The following CDH13 variants were observed in gnomAD, a reference collection of about 807,000 sequenced individuals.
The protein encoded by CDH13 is cadherin-13.
In CDH13, 24 loss-of-function variants were observed where a neutral mutation model predicts 63.8. The observed-to-expected ratio is 0.38, with a 90% CI of 0.27 to 0.53. The LOEUF is 0.53. Ranked by LOEUF, CDH13 falls within the 20% of genes least tolerant of loss-of-function variation. The probability of loss-of-function intolerance (pLI) is 0.85; values close to 1 mark genes in which losing one functional copy is unlikely to be tolerated. For missense variants in CDH13, 1,049 were observed against 903.1 expected (o/e 1.16, Z -2.07); for synonymous variants, 503 against 355.3 (o/e 1.42, Z -4.67).
chr16:83,552,234 T>C (rs2075517334), intron 7 of CDH13, among the ~76,000 whole-genome samples: 1 of 152,176 alleles, frequency 6.6e-6, no homozygotes, highest in Non-Finnish European at 1.5e-5. Flanking sequence ...CGTATTCTCT[T>C]GGTCCTGGGG....
intron 2 of CDH13, among the ~76,000 whole-genome samples, chr16:82,920,038 C>A: frequency 6.6e-6 from 1 of 152,158 alleles, no homozygotes; most frequent in East Asian, 1.9e-4. Flanking sequence ...TTAGTCAGGG[C>A]CTTTGCTACT....
At position 82,760,302 on chromosome 16, in the gene CDH13, A is replaced by G. The variant is rs773656350; in HGVS notation, c.46-98060A>G. Among the ~76,000 whole-genome samples, 96 of 152,268 alleles carry G rather than the reference A, an allele frequency of 6.3e-4. 1 individual carries two copies. Among genetic ancestry groups the G allele is most frequent in the Non-Finnish European group, 1.1e-3 (72 of 68,030 alleles). On this transcript the variant is annotated intron_variant, in intron 1 of 13. Transcript: ENST00000567109. The stretch of plus-strand genomic sequence containing the variant: ...AGCCTGTTATCAAAATAACAGGGAG[A>G]GATGAATTCTTATCTTTTTGCTGGA...
chr16:83,355,021 G>C (rs1006930116), intron 6 of CDH13, among the ~76,000 whole-genome samples: 1 of 152,142 alleles, frequency 6.6e-6, no homozygotes, highest in Non-Finnish European at 1.5e-5. Context: ...CAGACCCCTG[G>C]CTTAGAACTC....
intron 5 of CDH13, among the ~76,000 whole-genome samples, chr16:83,308,445 TCTC>T (rs1441365516): frequency 6.6e-6 from 1 of 152,218 alleles, no homozygotes; most frequent in East Asian, 1.9e-4. Flanking sequence ...TCTCAGAAGA[TCTC>T]CTACATGAAT....
chr16:82,713,853 A>T (rs990386334), intron 1 of CDH13, among the ~76,000 whole-genome samples: 11 of 151,634 alleles, frequency 7.3e-5, no homozygotes, highest in African/African-American at 2.7e-4. Flanking sequence ...TTTCCCTTTA[A>T]CAGGGCTATT....
In CDH13 at chr16:83,052,795, A is replaced by G. The variant is rs1277867038; in HGVS notation, c.366+20577A>G. ...TTATCTCAAAAAAAAAAAAAAAAAAAAAAAAAAAAGAAAGAAATTAAACCT... is the reference window on the plus strand; with the variant it reads ...TTATCTCAAAAAAAAAAAAAAAAAAGAAAAAAAAAGAAAGAAATTAAACCT... On this transcript the variant is annotated intron_variant, in intron 3 of 13. Transcript: ENST00000567109. 2.0e-5 allele frequency among the ~76,000 whole-genome samples: 3 copies of G among 150,842 alleles called. 1 individual carries two copies. The highest frequency in any genetic ancestry group is 1.9e-4 in the East Asian group (1 of 5,166).
chr16:82,971,648 T>C (rs1289637317), intron 2 of CDH13, among the ~76,000 whole-genome samples: 1 of 152,214 alleles, frequency 6.6e-6, no homozygotes, highest in Non-Finnish European at 1.5e-5. Context: ...AGTTCTGATA[T>C]AAACTCTTCC....
chr16:83,587,144 A>C (rs1382166698), intron 7 of CDH13, among the ~76,000 whole-genome samples: 1 of 152,214 alleles, frequency 6.6e-6, no homozygotes, highest in African/African-American at 2.4e-5. Context: ...GAAAATGCTG[A>C]TTAAAAGTAA....
intron 4 of CDH13, among the ~76,000 whole-genome samples, chr16:83,209,910 G>T (rs2039291288): frequency 6.6e-6 from 1 of 152,158 alleles, no homozygotes; most frequent in Non-Finnish European, 1.5e-5. Context: ...GTAGGTGGGG[G>T]ATGGCCATCC....
chr16:82,906,325 A>G (rs7186640), intron 2 of CDH13, among the ~76,000 whole-genome samples: 31,592 of 151,940 alleles, frequency 0.21, 4,646 homozygotes, highest in African/African-American at 0.41. Context: ...CCTTTAACAC[A>G]TGATTGGCCC....
At chr16:83,378,094 G>T (rs941442057) in intron 6 of CDH13, among the ~76,000 whole-genome samples, 2 of 152,184 alleles carry the variant, frequency 1.3e-5, no homozygotes, top group African/African-American at 4.8e-5. Context: ...CCAGGCATTT[G>T]CTTCCTAAGA....
intron 4 of CDH13, among the ~76,000 whole-genome samples, chr16:83,195,370 G>C (rs745657566): frequency 3.9e-5 from 6 of 152,170 alleles, no homozygotes; most frequent in African/African-American, 7.2e-5. Context: ...TTGACTCATG[G>C]TTCCACAGGC....
At chr16:83,315,196 A>G (rs1326640918) in intron 5 of CDH13, among the ~76,000 whole-genome samples, 2 of 152,242 alleles carry the variant, frequency 1.3e-5, no homozygotes, top group African/African-American at 2.4e-5. Flanking sequence ...GGAAGCCCAC[A>G]TAAGTATGGC....
chr16:83,291,437 C>G (rs1007595699), intron 5 of CDH13, among the ~76,000 whole-genome samples: 4 of 152,132 alleles, frequency 2.6e-5, no homozygotes, highest in Non-Finnish European at 5.9e-5. Flanking sequence ...ACGAGACTGT[C>G]CCTTCCTTCC....
intron 1 of CDH13, among the ~76,000 whole-genome samples, chr16:82,675,652 T>C (rs1870846): frequency 0.1 from 15,629 of 152,218 alleles, 1,079 homozygotes; most frequent in African/African-American, 0.18. Context: ...CCACCAAACC[T>C]GCTGGACTCA....
chr16:83,180,976 C>T (rs1438913929), intron 4 of CDH13: 105 of 1,530,764 alleles, frequency 6.9e-5, no homozygotes, highest in East Asian at 1.2e-4. Context: ...TCCTATTTGG[C>T]GACATTATTG....
rs145182190 is a variant in CDH13, at chr16:83,630,521, A to G, written c.1101+27927A>G. On this transcript the variant is annotated intron_variant, in intron 8 of 13. Coordinates refer to ENST00000567109, the MANE Select transcript of CDH13 (RefSeq NM_001257.5). The stretch of plus-strand genomic sequence containing the variant: ...ACAGGTCATAAGTAGGTAACAGACA[A>G]ATGGTTGCATTCTTTTGAGTCCTTG... 6.0e-4 allele frequency among the ~76,000 whole-genome samples: 92 copies of G among 152,324 alleles called. 1 individual carries two copies. The highest frequency in any genetic ancestry group is 6.8e-3 in the Middle Eastern group (2 of 294).
chr16:83,589,756 T>C (rs893722822), intron 7 of CDH13, among the ~76,000 whole-genome samples: 3 of 152,102 alleles, frequency 2.0e-5, no homozygotes, highest in African/African-American at 7.2e-5. Flanking sequence ...AGTGTCATTA[T>C]CTCAACCAAG....
At chr16:83,550,472 T>G (rs886390006) in intron 7 of CDH13, among the ~76,000 whole-genome samples, 1 of 152,200 alleles carries the variant, frequency 6.6e-6, no homozygotes, top group Non-Finnish European at 1.5e-5. Context: ...GTCTTAATGA[T>G]GGAGACAATT....
Sources: allele counts gnomAD v4.1 joint callset (sites outside exome capture counted in the v4.1 genomes callset), GRCh38; gene constraint gnomAD v4.1.1; transcripts MANE v1.5; gene names NCBI Gene and HGNC (gene_info 2026-07-23, HGNC 2026-07-21).